Variants in SDC2 observed in about 807,000 individuals in gnomAD.
SDC2 encodes the protein syndecan-2.
In SDC2, 13 loss-of-function variants were observed where a neutral mutation model predicts 22.2. The observed-to-expected ratio is 0.59, with a 90% CI of 0.38 to 0.93. SDC2 has a LOEUF of 0.93. Among genes scored for constraint, SDC2 ranks in the 40% least tolerant of loss-of-function variants. The pLI, the probability that SDC2 is intolerant of heterozygous loss-of-function variation, is 0.00. For synonymous variants in SDC2, 94 were observed against 92.8 expected (o/e 1.01, Z -0.07); for missense variants, 235 against 246.8 (o/e 0.95, Z 0.32).
intron 1 of SDC2, among the ~76,000 whole-genome samples, chr8:96,572,178 C>T (rs570748356): frequency 3.0e-4 from 45 of 152,226 alleles, no homozygotes; most frequent in Admixed American, 1.8e-3. Context: ...TGAGAGGCAA[C>T]CCTACAGGAG....
chr8:96,535,391 G>C (rs892143217), intron 1 of SDC2, among the ~76,000 whole-genome samples: 6 of 152,190 alleles, frequency 3.9e-5, no homozygotes, highest in Non-Finnish European at 8.8e-5. Context: ...CTGGAATTCA[G>C]ATTTAACAGA....
chr8:96,514,447 G>A (rs113177159), intron 1 of SDC2, among the ~76,000 whole-genome samples: 8,773 of 152,220 alleles, frequency 0.058, 320 homozygotes, highest in Middle Eastern at 0.19. Flanking sequence ...CTTTGACCAG[G>A]CAACCCTTCT....
intron 1 of SDC2, among the ~76,000 whole-genome samples, chr8:96,497,663 A>C (rs1175725198): frequency 6.6e-6 from 1 of 152,148 alleles, no homozygotes; most frequent in Non-Finnish European, 1.5e-5. Flanking sequence ...GGTGGCTTGG[A>C]GTCTCCTTAG....
intron 1 of SDC2, among the ~76,000 whole-genome samples, chr8:96,517,462 G>A (rs1271820211): frequency 1.3e-5 from 2 of 152,086 alleles, no homozygotes; most frequent in African/African-American, 2.4e-5. Flanking sequence ...TATGGTTTTA[G>A]TTCTTACATT....
At chr8:96,538,701 T>A (rs1350196356) in intron 1 of SDC2, 1 of 152,268 alleles carries the variant, frequency 6.6e-6, no homozygotes, top group Admixed American at 6.5e-5. Flanking sequence ...TTCAGAAGGA[T>A]ATTCTTTGCT....
At chr8:96,535,224 G>A (rs371951985) in intron 1 of SDC2, among the ~76,000 whole-genome samples, 4 of 152,196 alleles carry the variant, frequency 2.6e-5, no homozygotes, top group South Asian at 2.1e-4. Context: ...GGCCAGGCTG[G>A]TCTTAGACTT....
At chr8:96,563,943 C>T (rs1814253023) in intron 1 of SDC2, among the ~76,000 whole-genome samples, 1 of 152,212 alleles carries the variant, frequency 6.6e-6, no homozygotes, top group Admixed American at 6.5e-5. Context: ...GGCGGCTACA[C>T]TCTGTCATTA....
At chr8:96,583,062 T>C in intron 1 of SDC2, among the ~76,000 whole-genome samples, 1 of 3,280 alleles carries the variant, frequency 3.0e-4, no homozygotes, top group East Asian at 2.1e-3. Context: ...AAGTGTGATT[T>C]TTTTTTTTTT....
intron 3 of SDC2, among the ~76,000 whole-genome samples, chr8:96,603,839 C>T (rs757029260): frequency 6.6e-6 from 1 of 152,030 alleles, no homozygotes; most frequent in East Asian, 1.9e-4. Flanking sequence ...ACAAGCCAGG[C>T]GGTAGGAAGG....
intron 1 of SDC2, among the ~76,000 whole-genome samples, chr8:96,540,953 C>T (rs1813839092): frequency 6.6e-6 from 1 of 152,156 alleles, no homozygotes; most frequent in African/African-American, 2.4e-5. Context: ...TAGTTCATCT[C>T]TGTTTATCTA....
chr8:96,558,692 G>C (rs908761787), intron 1 of SDC2, among the ~76,000 whole-genome samples: 1 of 152,102 alleles, frequency 6.6e-6, no homozygotes, highest in African/African-American at 2.4e-5. Flanking sequence ...AGATCATGAG[G>C]TCAGCCCCAA....
chr8:96,564,370 C>T (rs1814262799), intron 1 of SDC2, among the ~76,000 whole-genome samples: 1 of 152,068 alleles, frequency 6.6e-6, no homozygotes, highest in Non-Finnish European at 1.5e-5. Context: ...GATGGGATGT[C>T]CAAGGGTGAA....
chr8:96,498,819 A>G (rs1813115902), intron 1 of SDC2, among the ~76,000 whole-genome samples: 1 of 152,142 alleles, frequency 6.6e-6, no homozygotes, highest in East Asian at 1.9e-4. Context: ...ACTAATCTTG[A>G]TGGGACAGAA....
At chr8:96,551,671 C>T (rs1011530340) in intron 1 of SDC2, among the ~76,000 whole-genome samples, 2 of 152,136 alleles carry the variant, frequency 1.3e-5, no homozygotes, top group Non-Finnish European at 2.9e-5. Flanking sequence ...AGCTGATGAG[C>T]TTTACAGGTG....
At chr8:96,598,940 CTTTT>C (rs567223016) in intron 2 of SDC2, among the ~76,000 whole-genome samples, 5 of 127,436 alleles carry the variant, frequency 3.9e-5, no homozygotes, top group South Asian at 2.6e-4. Flanking sequence ...CTGTCTCTAT[CTTTT>C]TTTTTTTTTT....
intron 1 of SDC2, among the ~76,000 whole-genome samples, chr8:96,564,954 A>C (rs1814271703): frequency 6.6e-6 from 1 of 152,140 alleles, no homozygotes; most frequent in Non-Finnish European, 1.5e-5. Context: ...TTGATAAGTT[A>C]GCAATGGGAT....
intron 1 of SDC2, among the ~76,000 whole-genome samples, chr8:96,573,793 CCTT>C (rs975803259): frequency 1.3e-5 from 2 of 152,062 alleles, no homozygotes; most frequent in African/African-American, 4.8e-5. Context: ...ACAGTTTTGA[CCTT>C]CTCCTTGAAC....
At chr8:96,593,678 C>T in intron 2 of SDC2, 87 bp downstream of exon 2, 1 of 845,254 alleles carries the variant, frequency 1.2e-6, no homozygotes. Context: ...AGGAGACAGG[C>T]AGGATGCACA....
At chr8:96,534,199 C>G (rs562494601) in intron 1 of SDC2, among the ~76,000 whole-genome samples, 1 of 152,220 alleles carries the variant, frequency 6.6e-6, no homozygotes, top group Non-Finnish European at 1.5e-5. Context: ...TCCCTCCACA[C>G]CTCCCTGCAA....
Sources: gnomAD v4.1 joint callset for allele counts (sites outside exome capture counted in the v4.1 genomes callset) on GRCh38, gnomAD v4.1.1 for gene constraint, MANE v1.5 for transcripts, NCBI Gene and HGNC (gene_info 2026-07-23, HGNC 2026-07-21) for gene names.